The following TLL1 variants were observed in gnomAD, a reference collection of about 807,000 sequenced individuals.
TLL1 encodes the protein tolloid like 1.
Under a neutral mutation model 128.2 loss-of-function variants are expected in TLL1, and 49 were observed. That is an observed-to-expected ratio of 0.38 (90% confidence interval 0.30 to 0.48). TLL1 has a LOEUF of 0.48. Among genes scored for constraint, TLL1 ranks in the 20% least tolerant of loss-of-function variants. The pLI, the probability that TLL1 is intolerant of heterozygous loss-of-function variation, is 0.96. For missense variants in TLL1, 1,123 were observed against 1,242.0 expected (o/e 0.90, Z 1.44); for synonymous variants, 454 against 418.8 (o/e 1.08, Z -1.03).
chr4:166,062,044 T>A (rs541350964), intron 15 of TLL1, among the ~76,000 whole-genome samples: 1 of 152,240 alleles, frequency 6.6e-6, no homozygotes, highest in Non-Finnish European at 1.5e-5. Context: ...GTGGTATTAT[T>A]TCTGAGGGCT....
intron 1 of TLL1, among the ~76,000 whole-genome samples, chr4:165,985,852 T>C (rs1736371481): frequency 6.6e-6 from 1 of 152,052 alleles, no homozygotes. Flanking sequence ...CCTGTGGTTT[T>C]CCCTGTAGCT....
chr4:165,913,777 G>A (rs1732653699), intron 1 of TLL1, among the ~76,000 whole-genome samples: 1 of 152,166 alleles, frequency 6.6e-6, no homozygotes, highest in South Asian at 2.1e-4. Flanking sequence ...ACTTTGGGAG[G>A]CTAACACAGG....
intron 15 of TLL1, among the ~76,000 whole-genome samples, chr4:166,062,424 G>A (rs1414875056): frequency 1.3e-5 from 2 of 152,104 alleles, no homozygotes; most frequent in Non-Finnish European, 2.9e-5. Context: ...TCCTTGAAGA[G>A]GTCCTTCACA....
chr4:165,952,676 T>G (rs952758087), intron 1 of TLL1, among the ~76,000 whole-genome samples: 3 of 152,134 alleles, frequency 2.0e-5, no homozygotes, highest in Admixed American at 6.6e-5. Context: ...AGTTATTGTT[T>G]TCATGATTCT....
chr4:166,056,396 A>G (rs1170178957), intron 13 of TLL1, among the ~76,000 whole-genome samples: 1 of 151,362 alleles, frequency 6.6e-6, no homozygotes. Flanking sequence ...TATATATTGT[A>G]TATATATACT....
chr4:165,927,749 C>T (rs1366680586), intron 1 of TLL1, among the ~76,000 whole-genome samples: 1 of 152,160 alleles, frequency 6.6e-6, no homozygotes, highest in Admixed American at 6.5e-5. Context: ...TTGATACTGG[C>T]ATCTAGGGAG....
intron 5 of TLL1, among the ~76,000 whole-genome samples, chr4:165,997,734 A>C (rs2111023776): frequency 6.6e-6 from 1 of 152,292 alleles, no homozygotes; most frequent in Middle Eastern, 3.4e-3. Flanking sequence ...ATAATAAGCA[A>C]AAGGTGGAGG....
intron 1 of TLL1, among the ~76,000 whole-genome samples, chr4:165,950,060 A>C (rs1248634100): frequency 6.6e-6 from 1 of 152,150 alleles, no homozygotes; most frequent in East Asian, 1.9e-4. Context: ...TATTAAGTTA[A>C]AAATAGAAGG....
chr4:166,061,540 T>C (rs532130904), intron 15 of TLL1, among the ~76,000 whole-genome samples: 1 of 152,216 alleles, frequency 6.6e-6, no homozygotes, highest in Non-Finnish European at 1.5e-5. Context: ...CTACCGTGCC[T>C]GGCCTCTTTC....
At chr4:166,030,930 C>T in intron 9 of TLL1, 1 of 981,014 alleles carries the variant, frequency 1.0e-6, no homozygotes. Flanking sequence ...GCACATTTAA[C>T]TTTGTTTTAA....
chr4:166,035,934 C>CA (rs1037875097), intron 9 of TLL1, among the ~76,000 whole-genome samples: 28 of 151,648 alleles, frequency 1.8e-4, no homozygotes, highest in Middle Eastern at 3.4e-3. Context: ...ATTTCTGAGG[C>CA]AAAAAAAATA....
intron 16 of TLL1, among the ~76,000 whole-genome samples, chr4:166,070,157 A>C (rs74518269): frequency 0.054 from 8,248 of 151,928 alleles, 397 homozygotes; most frequent in African/African-American, 0.13. Context: ...GTGATAGTAA[A>C]AGCAAACTTA....
At chr4:166,044,901 C>T (rs1347128171) in intron 12 of TLL1, among the ~76,000 whole-genome samples, 2 of 152,182 alleles carry the variant, frequency 1.3e-5, no homozygotes, top group Admixed American at 1.3e-4. Context: ...AGCCTGAAAA[C>T]TGATGCATGA....
chr4:166,007,910 G>C (rs759490346), intron 6 of TLL1, 33 bp from the exon 7 acceptor site: 30 of 1,412,158 alleles, frequency 2.1e-5, no homozygotes, highest in Non-Finnish European at 2.8e-5. Flanking sequence ...CAGTTAAAAG[G>C]CTTCTGAGAT....
At chr4:166,056,529 T>A (rs1002219474) in intron 13 of TLL1, among the ~76,000 whole-genome samples, 1 of 152,050 alleles carries the variant, frequency 6.6e-6, no homozygotes, top group African/African-American at 2.4e-5. Flanking sequence ...TTTAAAGAGA[T>A]CCAGTCAATT....
intron 9 of TLL1, among the ~76,000 whole-genome samples, chr4:166,029,705 A>G (rs898330695): frequency 1.3e-5 from 2 of 152,002 alleles, no homozygotes. Context: ...TCATCATTCT[A>G]CTTTCTGTTT....
intron 20 of TLL1, 84 bp from the exon 21 acceptor site, chr4:166,100,658 T>C: frequency 6.4e-7 from 1 of 1,551,252 alleles, no homozygotes; most frequent in South Asian, 1.1e-5. Flanking sequence ...CAAAGACAAG[T>C]ATTCCCAAAC....
At chr4:166,064,078 C>T (rs1740464701) in intron 15 of TLL1, among the ~76,000 whole-genome samples, 1 of 151,656 alleles carries the variant, frequency 6.6e-6, no homozygotes, top group Non-Finnish European at 1.5e-5. Flanking sequence ...ATTTGAGCTT[C>T]TTTTTAACAT....
At chr4:165,950,650 A>G (rs1050112223) in intron 1 of TLL1, among the ~76,000 whole-genome samples, 1 of 152,118 alleles carries the variant, frequency 6.6e-6, no homozygotes, top group African/African-American at 2.4e-5. Context: ...AACGTATATA[A>G]CATATCAATA....
Sources: allele counts gnomAD v4.1 joint callset (sites outside exome capture counted in the v4.1 genomes callset), GRCh38; gene constraint gnomAD v4.1.1; transcripts MANE v1.5; gene names NCBI Gene and HGNC (gene_info 2026-07-23, HGNC 2026-07-21).